MTO1: variants seen among roughly 807,000 people sequenced by gnomAD.
MTO1 encodes mitochondrial tRNA translation optimization 1.
Under a neutral mutation model 71.6 loss-of-function variants are expected in MTO1, and 46 were observed. That is an observed-to-expected ratio of 0.64 (90% CI 0.51 to 0.82). The LOEUF is 0.82. MTO1 is among the 40% of genes least tolerant of loss of function. The probability of loss-of-function intolerance (pLI) is 0.00; values close to 1 mark genes in which losing one functional copy is unlikely to be tolerated. For missense variants in MTO1, 773 were observed against 867.5 expected, an observed-to-expected ratio of 0.89 and a Z score of 1.37; for synonymous variants, 297 against 312.1, an observed-to-expected ratio of 0.95 and a Z score of 0.51.
intron 9 of MTO1, among the ~76,000 whole-genome samples, chr6:73,490,789 G>A (rs1184424560): frequency 6.6e-6 from 1 of 151,690 alleles, no homozygotes; most frequent in African/African-American, 2.4e-5. Flanking sequence ...ATATGTAAAT[G>A]AAGTAAGTAA....
intron 9 of MTO1, among the ~76,000 whole-genome samples, chr6:73,483,122 T>C (rs1771560029): frequency 6.6e-6 from 1 of 150,958 alleles, no homozygotes; most frequent in Non-Finnish European, 1.5e-5. Context: ...TATTAAAAAA[T>C]ATATGGCTGG....
chr6:73,505,440 G>A lies in MTO1; in HGVS notation c.*4705G>A, dbSNP rs1463137503. On this transcript the variant is annotated 3_prime_UTR_variant, in exon 12 of 12. Transcript: ENST00000498286. The stretch of plus-strand genomic sequence containing the variant: ...ATACTGTATGATTCCCTTTATAAGA[G>A]TTACCTGGAGCACTCAAATTCATAG... 6.6e-5 allele frequency: 10 copies of A among 152,352 alleles called. No homozygotes were observed. The highest frequency in any genetic ancestry group is 1.9e-4 in the African/African-American group (8 of 41,582). 9.4% of individuals were successfully genotyped at this position (152,352 alleles called of 1,614,324 possible).
At chr6:73,488,127 T>C (rs1771706247) in intron 9 of MTO1, among the ~76,000 whole-genome samples, 1 of 152,172 alleles carries the variant, frequency 6.6e-6, no homozygotes, top group Non-Finnish European at 1.5e-5. Flanking sequence ...TTTTATATCA[T>C]TGGAGAAGTA....
At chr6:73,480,234 C>T (rs1447295567) in intron 6 of MTO1, 108 bp downstream of exon 6, 15 of 1,043,428 alleles carry the variant, frequency 1.4e-5, no homozygotes, top group Non-Finnish European at 2.1e-5. Flanking sequence ...GAAGATGAAG[C>T]CCAACACCTA....
At chr6:73,495,132 A>C (rs184265533) in intron 10 of MTO1, among the ~76,000 whole-genome samples, 1 of 152,132 alleles carries the variant, frequency 6.6e-6, no homozygotes, top group African/African-American at 2.4e-5. Flanking sequence ...AATGCTTTGG[A>C]TGTCTGTGTA....
intron 1 of MTO1, among the ~76,000 whole-genome samples, chr6:73,464,897 G>A (rs1770941408): frequency 6.6e-6 from 1 of 150,622 alleles, no homozygotes; most frequent in South Asian, 2.1e-4. Flanking sequence ...TGGTGGCAGT[G>A]GATATGTGGA....
At chr6:73,480,922 C>A (rs1030894615) in intron 7 of MTO1, 117 bp downstream of exon 7, 47 of 848,942 alleles carry the variant, frequency 5.5e-5, no homozygotes, top group East Asian at 1.6e-4. Flanking sequence ...TAATAGAAGA[C>A]AATTTATGTT....
At chr6:73,486,645 G>A (rs924095784) in intron 9 of MTO1, 29 of 426,588 alleles carry the variant, frequency 6.8e-5, no homozygotes, top group Non-Finnish European at 1.2e-4. Flanking sequence ...GGCAGAGGCA[G>A]GAGAATCGTT....
chr6:73,492,899 T>C (rs1771856670), intron 10 of MTO1, among the ~76,000 whole-genome samples: 1 of 150,468 alleles, frequency 6.6e-6, no homozygotes, highest in Non-Finnish European at 1.5e-5. Flanking sequence ...GCTTTTCAGG[T>C]GATTTACATG....
rs144075994 is a variant in MTO1, at chr6:73,480,048, A to G, written c.1051A>G (p.Met351Val). The G allele has an allele frequency of 4.7e-4, 764 of 1,614,186 alleles. 8 individuals carry two copies. The African/African-American group carries it at 9.0e-3, about 19-fold the overall frequency. Residue 351 changes from methionine (M) to valine (V), a missense_variant, in exon 6 of 12, where the codon ATG (methionine) becomes GTG (valine). Met to Val is a conservative substitution (Grantham distance 21). Transcript: ENST00000498286. ...SDLIYPQGLS[M>V]TLPAELQEKM... ...CCTTATCTACCCACAGGGGTTATCT[A>G]TGACGCTACCAGCTGAGTTACAAGA... is the stretch of plus-strand genomic sequence containing the variant.
At chr6:73,482,379 C>G (rs1240058431) in intron 8 of MTO1, 70 bp from the exon 9 acceptor site, 20 of 1,538,002 alleles carry the variant, frequency 1.3e-5, no homozygotes, top group Non-Finnish European at 1.8e-5. Context: ...CATAGTGAGA[C>G]ACTGTCTCTA....
chr6:73,480,639 G>C (rs750271885), intron 6 of MTO1, 36 bp from the exon 7 acceptor site: 1 of 1,610,990 alleles, frequency 6.2e-7, no homozygotes, highest in Non-Finnish European at 8.5e-7. Flanking sequence ...ATCCAGCTCT[G>C]TATTTACTTA....
chr6:73,464,691 C>T (rs1770927356), intron 1 of MTO1, among the ~76,000 whole-genome samples: 1 of 150,788 alleles, frequency 6.6e-6, no homozygotes, highest in Non-Finnish European at 1.5e-5. Context: ...GAAAATTAGC[C>T]AGGCGTGGTG....
chr6:73,483,307 GT>G (rs1227879343), intron 9 of MTO1, among the ~76,000 whole-genome samples: 1 of 151,936 alleles, frequency 6.6e-6, no homozygotes, highest in Non-Finnish European at 1.5e-5. Flanking sequence ...TACTTGGGAG[GT>G]TGAGGCAGGA....
intron 9 of MTO1, among the ~76,000 whole-genome samples, chr6:73,483,268 G>A (rs1282152067): frequency 6.6e-6 from 1 of 151,914 alleles, no homozygotes; most frequent in Non-Finnish European, 1.5e-5. Flanking sequence ...AATTAGCCGG[G>A]CGTGGTAGTG....
intron 10 of MTO1, among the ~76,000 whole-genome samples, chr6:73,493,350 ATGTATG>A (rs973002601): frequency 4.3e-5 from 2 of 46,312 alleles, no homozygotes; most frequent in African/African-American, 8.4e-5. Context: ...TGAAATGTGC[ATGTATG>A]TGTGTGTGTG....
intron 7 of MTO1, 48 bp from the exon 8 acceptor site, chr6:73,481,992 G>T: frequency 6.3e-7 from 1 of 1,599,054 alleles, no homozygotes. Flanking sequence ...TGGGATAGCC[G>T]TTTGTTTAGT....
At chr6:73,489,247 G>A (rs1771739690) in intron 9 of MTO1, among the ~76,000 whole-genome samples, 1 of 149,628 alleles carries the variant, frequency 6.7e-6, no homozygotes, top group South Asian at 2.1e-4. Flanking sequence ...TGATTATATA[G>A]TGAGGGTTTA....
rs182894774 is a variant in MTO1, at chr6:73,479,829, C to T, written c.923C>T (p.Thr308Met). Residue 308 changes from threonine (T) to methionine (M), a missense_variant, in exon 5 of 12, where the codon ACG becomes ATG. Coordinates refer to ENST00000498286, the MANE Select transcript of MTO1 (RefSeq NM_012123.4). ...CACCTTAATAGTCATGTTAAAGAAA[C>T]GACAAGAGGACCTCGGTAAGGACAA... Reference protein sequence around the residue: ...NLHLNSHVKETTRGPRYCPSI... With the variant: ...NLHLNSHVKEMTRGPRYCPSI... 2.5e-5 allele frequency: 40 copies of T among 1,612,622 alleles called. No homozygotes were observed. In the South Asian group the frequency reaches 3.0e-4, roughly 12 times the overall value.
Sources: allele counts gnomAD v4.1 joint callset (sites outside exome capture counted in the v4.1 genomes callset), GRCh38; gene constraint gnomAD v4.1.1; transcripts MANE v1.5; gene names NCBI Gene and HGNC (gene_info 2026-07-23, HGNC 2026-07-21).